GALNT17: variants seen among roughly 807,000 people sequenced by gnomAD.
GALNT17 encodes polypeptide N-acetylgalactosaminyltransferase 17, also known as UDP-GalNAc:polypeptide N-acetylgalactosaminyltransferase-like 3.
In GALNT17, 29 loss-of-function variants were observed where a neutral mutation model predicts 63.7. That is an observed-to-expected ratio of 0.46 (90% CI 0.34 to 0.62). The LOEUF is 0.62. GALNT17 is among the 20% of genes least tolerant of loss of function. GALNT17 has a pLI of 0.01. For missense variants in GALNT17, 603 were observed against 799.6 expected, an observed-to-expected ratio of 0.75 and a Z score of 2.97; for synonymous variants, 305 against 318.3, an observed-to-expected ratio of 0.96 and a Z score of 0.45.
intron 1 of GALNT17, among the ~76,000 whole-genome samples, chr7:71,261,781 G>GTC (rs1404487554): frequency 8.5e-5 from 13 of 152,328 alleles, no homozygotes; most frequent in African/African-American, 3.1e-4. Flanking sequence ...TGCCAAGTGT[G>GTC]TCTCAGCTTT....
intron 5 of GALNT17, among the ~76,000 whole-genome samples, chr7:71,457,432 A>G (rs978408390): frequency 6.6e-6 from 1 of 152,214 alleles, no homozygotes; most frequent in East Asian, 1.9e-4. Flanking sequence ...TGTGCAAGAA[A>G]GAATTCAGGA....
intron 2 of GALNT17, among the ~76,000 whole-genome samples, chr7:71,372,875 G>A (rs73360136): frequency 0.019 from 2,849 of 152,254 alleles, 102 homozygotes; most frequent in African/African-American, 0.065. Flanking sequence ...TTCCCAGGTA[G>A]CATACAAGAA....
At chr7:71,260,173 C>T (rs1185879979) in intron 1 of GALNT17, among the ~76,000 whole-genome samples, 1 of 152,144 alleles carries the variant, frequency 6.6e-6, no homozygotes, top group Non-Finnish European at 1.5e-5. Context: ...GTTCCATGGG[C>T]TGTCTAGAAA....
intron 5 of GALNT17, among the ~76,000 whole-genome samples, chr7:71,456,017 G>A (rs1040195568): frequency 2.6e-5 from 4 of 152,056 alleles, no homozygotes; most frequent in Non-Finnish European, 4.4e-5. Flanking sequence ...AGGCTGAGGC[G>A]GGCAGATCAC....
intron 1 of GALNT17, among the ~76,000 whole-genome samples, chr7:71,246,569 G>A (rs956132794): frequency 6.6e-6 from 1 of 151,810 alleles, no homozygotes; most frequent in Admixed American, 6.6e-5. Context: ...GGTGGCTCAC[G>A]CCTCTAATCC....
chr7:71,529,194 G>A (rs1158569893), intron 5 of GALNT17, among the ~76,000 whole-genome samples: 1 of 151,974 alleles, frequency 6.6e-6, no homozygotes, highest in African/African-American at 2.4e-5. Context: ...CTGAAGGTCA[G>A]TAGGATAGGA....
chr7:71,395,385 G>T (rs1424847426), intron 3 of GALNT17, among the ~76,000 whole-genome samples: 2 of 152,114 alleles, frequency 1.3e-5, no homozygotes, highest in Non-Finnish European at 2.9e-5. Flanking sequence ...TGTTTTCAAG[G>T]TTCAACCAAA....
At chr7:71,265,118 A>ATATATATATATATATATATATTTTTTTT (rs1390488895) in intron 1 of GALNT17, among the ~76,000 whole-genome samples, 1 of 37,458 alleles carries the variant, frequency 2.7e-5, no homozygotes, top group Non-Finnish European at 6.8e-5. Context: ...ATATATATAT[A>ATATATATATATATATATATATTTTTTTT]TTTTTTTTTT....
chr7:71,665,411 G>A lies in GALNT17; in HGVS notation c.1081G>A (p.Val361Ile), dbSNP rs1360134356. 2 of 1,608,030 alleles carry A rather than the reference G, an allele frequency of 1.2e-6. No homozygotes were observed. Among genetic ancestry groups the A allele is most frequent in the Non-Finnish European group, 1.7e-6 (2 of 1,178,614 alleles). The change falls in exon 7 of 11, where the codon GTA (valine) becomes ATA (isoleucine). Residue 361 changes from valine (V) to isoleucine (I), a missense_variant and splice_region_variant. By Grantham distance (29) the Val-to-Ile change is conservative. This residue lies in a region of GALNT17 where 336 missense variants were observed against 507.8 expected (regional missense o/e 0.66). Coordinates refer to ENST00000333538, the MANE Select transcript of GALNT17 (RefSeq NM_022479.3). ...GCTGATGAAATCTTTGTACCCCTAG[G>A]TATGGCTCTGTGGGGGCAGCATGGA... The part of the protein sequence containing the change: ...GGENIELGIK[V>I]WLCGGSMEVL...
chr7:71,703,167 G>C (rs1791676240), intron 9 of GALNT17, among the ~76,000 whole-genome samples: 2 of 152,222 alleles, frequency 1.3e-5, no homozygotes. Flanking sequence ...CACAGCGCCT[G>C]GGGGCAATTG....
chr7:71,183,517 T>G (rs1456917356), intron 1 of GALNT17, among the ~76,000 whole-genome samples: 1 of 152,142 alleles, frequency 6.6e-6, no homozygotes, highest in African/African-American at 2.4e-5. Flanking sequence ...TAAGAGTTGA[T>G]TCCAGATATT....
chr7:71,194,920 T>A (rs1789018813), intron 1 of GALNT17, among the ~76,000 whole-genome samples: 1 of 152,198 alleles, frequency 6.6e-6, no homozygotes, highest in African/African-American at 2.4e-5. Context: ...GGAGGCACCA[T>A]CTGACCACAG....
intron 5 of GALNT17, among the ~76,000 whole-genome samples, chr7:71,551,575 C>A (rs1047145304): frequency 6.6e-6 from 1 of 151,816 alleles, no homozygotes; most frequent in Non-Finnish European, 1.5e-5. Context: ...ATAGCCTGGG[C>A]AACATAGTGA....
intron 6 of GALNT17, among the ~76,000 whole-genome samples, chr7:71,659,633 A>G (rs114734880): frequency 3.3e-5 from 5 of 152,240 alleles, no homozygotes; most frequent in Admixed American, 6.5e-5. Context: ...TCACTTCTGC[A>G]TTCTGTTAAT....
At chr7:71,407,766 A>G (rs568995990) in intron 3 of GALNT17, among the ~76,000 whole-genome samples, 1 of 152,204 alleles carries the variant, frequency 6.6e-6, no homozygotes, top group Non-Finnish European at 1.5e-5. Context: ...ACAAAATTAC[A>G]CACAACATAA....
chr7:71,711,942 C>T (rs999757449), intron 10 of GALNT17, 76 bp from the exon 11 acceptor site: 5 of 1,498,760 alleles, frequency 3.3e-6, no homozygotes, highest in African/African-American at 1.4e-5. Flanking sequence ...GTCTCTCTTT[C>T]TCCTCTCTCT....
At chr7:71,688,892 G>A (rs998023226) in intron 9 of GALNT17, among the ~76,000 whole-genome samples, 3 of 152,116 alleles carry the variant, frequency 2.0e-5, no homozygotes, top group African/African-American at 7.2e-5. Context: ...ACAGATCGAA[G>A]GGTTGTGGCA....
At chr7:71,372,163 T>C (rs906997019) in intron 2 of GALNT17, among the ~76,000 whole-genome samples, 5 of 151,498 alleles carry the variant, frequency 3.3e-5, no homozygotes, top group African/African-American at 9.8e-5. Flanking sequence ...TTCTTTTCTA[T>C]TTTTTTATTT....
At chr7:71,147,126 A>G (rs1038250229) in intron 1 of GALNT17, among the ~76,000 whole-genome samples, 1 of 152,194 alleles carries the variant, frequency 6.6e-6, no homozygotes, top group Admixed American at 6.5e-5. Context: ...GTATGATTGT[A>G]GGGTCCTTTA....
Sources: allele counts gnomAD v4.1 joint callset (sites outside exome capture counted in the v4.1 genomes callset), GRCh38; gene constraint gnomAD v4.1.1; regional missense constraint gnomAD v4.1.1; transcripts MANE v1.5; gene names NCBI Gene and HGNC (gene_info 2026-07-23, HGNC 2026-07-21).